The following MDH1 variants were observed in gnomAD, a reference collection of about 807,000 sequenced individuals.
The protein encoded by MDH1 is malate dehydrogenase, cytoplasmic.
In MDH1, 15 loss-of-function variants were observed where a neutral mutation model predicts 38.7. The ratio of observed to expected loss-of-function variants is 0.39; its 90% CI spans 0.26 to 0.60. MDH1 has a LOEUF of 0.60. Among genes scored for constraint, MDH1 ranks in the 20% least tolerant of loss-of-function variants. The pLI, the probability that MDH1 is intolerant of heterozygous loss-of-function variation, is 0.56. For missense variants in MDH1, 368 were observed against 405.2 expected, an observed-to-expected ratio of 0.91 and a Z score of 0.79; for synonymous variants, 144 against 143.6, an observed-to-expected ratio of 1.00 and a Z score of -0.02.
intron 2 of MDH1, 93 bp from the exon 3 acceptor site, chr2:63,595,330 A>G (rs1709286562): frequency 2.5e-6 from 2 of 790,186 alleles, no homozygotes; most frequent in Non-Finnish European, 2.3e-6. Flanking sequence ...AATTACATGC[A>G]TGTACATACC....
rs201106688 is a variant in MDH1 at position 63,605,996 on chromosome 2, G to C, written c.847G>C (p.Asp283His). Residue 283 changes from aspartate (D) to histidine (H), a missense_variant, in exon 8 of 9, where the codon GAT becomes CAT. By Grantham distance (81) the Asp-to-His change is moderately conservative. Transcript: ENST00000233114. ...TGGCAACTCCTATGGTGTTCCTGAT[G>C]ATCTGCTCTACTCATTCCCTGTTGT... ...SDGNSYGVPD[D>H]LLYSFPVVIK... is the part of the protein sequence containing the mutation. 2.5e-5 allele frequency: 40 copies of C among 1,614,144 alleles called. No homozygotes were observed. Among genetic ancestry groups the C allele is most frequent in the Admixed American group, 1.7e-4 (10 of 60,036 alleles).
chr2:63,594,172 T>C, intron 1 of MDH1: 1 of 495,272 alleles, frequency 2.0e-6, no homozygotes, highest in Non-Finnish European at 4.0e-6. Flanking sequence ...CTCTAGTGGC[T>C]GCCAGGGTTT....
intron 5 of MDH1, among the ~76,000 whole-genome samples, chr2:63,604,349 C>T (rs1385111755): frequency 6.6e-6 from 1 of 152,176 alleles, no homozygotes; most frequent in African/African-American, 2.4e-5. Flanking sequence ...CAAAAGATCA[C>T]ATTTACATAT....
In MDH1 at chr2:63,606,867, G is replaced by T. The variant is rs765098463; in HGVS notation, c.885G>T (p.Lys295Asn). The change falls in exon 9 of 9, where the codon AAG becomes AAT. Residue 295 changes from lysine (K) to asparagine (N), a missense_variant. Transcript: ENST00000233114. Reference sequence around the variant, plus strand: ...TTTGCATTATTTTCAAACAGAATAAGACCTGGAAGTTTGTTGAAGGTCTCC... The same window carrying T: ...TTTGCATTATTTTCAAACAGAATAATACCTGGAAGTTTGTTGAAGGTCTCC... Reference protein sequence around the residue: ...LYSFPVVIKNKTWKFVEGLPI... With the variant: ...LYSFPVVIKNNTWKFVEGLPI... 1 of 1,609,906 alleles carries T rather than the reference G, an allele frequency of 6.2e-7. No individual in the cohort carries two copies. The highest frequency in any genetic ancestry group is 1.1e-5 in the South Asian group (1 of 90,180).
chr2:63,594,767 G>A (rs1709273285), intron 2 of MDH1, 181 bp downstream of exon 2: 1 of 524,758 alleles, frequency 1.9e-6, no homozygotes, highest in East Asian at 3.3e-5. Flanking sequence ...TCCAGGCACT[G>A]AAAACACTTT....
intron 1 of MDH1, chr2:63,589,310 G>C: frequency 6.4e-7 from 1 of 1,550,728 alleles, no homozygotes; most frequent in South Asian, 1.2e-5. Context: ...TAATCCTGCT[G>C]CATGACGGGA....
rs755709132 is a variant in MDH1, at chr2:63,597,410, A to G, written c.211A>G (p.Thr71Ala). The change falls in exon 4 of 9, where the codon ACA becomes GCA. Residue 71 changes from threonine (T) to alanine (A), a missense_variant. By Grantham distance (58) the Thr-to-Ala change is moderately conservative. Coordinates refer to ENST00000233114, the MANE Select transcript of MDH1 (RefSeq NM_005917.4). The stretch of plus-strand genomic sequence containing the variant: ...TGCCATGTCCACAGATGTCATCGCA[A>G]CAGATAAAGAAGACGTTGCCTTCAA... ...ALPLLKDVIA[T>A]DKEDVAFKDL... 2.1e-6 allele frequency: 3 copies of G among 1,435,042 alleles called. No individual in the cohort carries two copies. Among genetic ancestry groups the G allele is most frequent in the South Asian group, 1.6e-5 (1 of 62,884 alleles). The allele number at this position is 1,435,042 out of a possible 1,614,324, so 88.9% of individuals were successfully genotyped here.
chr2:63,602,279 A>G (rs1488635924), intron 5 of MDH1, among the ~76,000 whole-genome samples: 1 of 150,748 alleles, frequency 6.6e-6, no homozygotes, highest in African/African-American at 2.4e-5. Flanking sequence ...AGACCAGTCG[A>G]GTCATTGCAG....
Position 63,597,500 on chromosome 2 carries a change from T to C in MDH1, c.301T>C (p.Leu101=), listed in dbSNP as rs1575722500. The stretch of plus-strand genomic sequence containing the variant: ...AAGGGAAGGCATGGAGAGAAAAGAT[T>C]TACTGAAAGCAAATGTGAAAATCTT... The part of the protein sequence containing the change: ...PRREGMERKD[L]LKANVKIFKS... Residue 101 remains leucine (L), a synonymous_variant, in exon 4 of 9, where the codon TTA becomes CTA. Coordinates refer to ENST00000233114, the MANE Select transcript of MDH1 (RefSeq NM_005917.4). The C allele has an allele frequency of 6.6e-7, 1 of 1,524,120 alleles. No homozygotes were observed. The highest frequency in any genetic ancestry group is 1.3e-5 in the South Asian group (1 of 77,962). The allele number at this position is 1,524,120 out of a possible 1,614,324, so 94.4% of individuals were successfully genotyped here.
intron 1 of MDH1, 127 bp downstream of exon 1, chr2:63,589,173 C>T (rs1437620783): frequency 6.2e-7 from 1 of 1,609,614 alleles, no homozygotes; most frequent in African/African-American, 1.3e-5. Flanking sequence ...TTGGCAAGCT[C>T]GGACTCATCT....
At chr2:63,590,636 T>C (rs1012707330) in intron 1 of MDH1, 6 of 152,236 alleles carry the variant, frequency 3.9e-5, no homozygotes, top group Non-Finnish European at 7.3e-5. Flanking sequence ...TCTTATAATG[T>C]AGTCTGGTGA....
chr2:63,596,559 G>C (rs570314053), intron 3 of MDH1, among the ~76,000 whole-genome samples: 287 of 152,270 alleles, frequency 1.9e-3, no homozygotes, highest in Non-Finnish European at 1.7e-3. Flanking sequence ...GACAGGGAAG[G>C]GAAAGTTCAG....
chr2:63,603,455 A>C (rs1384616433), intron 5 of MDH1, among the ~76,000 whole-genome samples: 1 of 152,164 alleles, frequency 6.6e-6, no homozygotes, highest in Non-Finnish European at 1.5e-5. Flanking sequence ...ACACAGAGGA[A>C]GGAAGAATTG....
At chr2:63,591,893 TG>T (rs1000241824) in intron 1 of MDH1, among the ~76,000 whole-genome samples, 7 of 152,244 alleles carry the variant, frequency 4.6e-5, no homozygotes, top group Non-Finnish European at 8.8e-5. Context: ...CTACTCTGTT[TG>T]TTAGGTAATT....
intron 3 of MDH1, among the ~76,000 whole-genome samples, chr2:63,595,898 T>C (rs889688400): frequency 6.6e-6 from 1 of 152,206 alleles, no homozygotes; most frequent in African/African-American, 2.4e-5. Flanking sequence ...AGTAGCATCC[T>C]GTAATGGAAA....
chr2:63,605,418 G>A (rs1709509796), intron 7 of MDH1, 25 bp downstream of exon 7: 2 of 1,474,144 alleles, frequency 1.4e-6, no homozygotes, highest in South Asian at 1.1e-5. Context: ...ATTTGCACAG[G>A]TCACTCTATT....
intron 4 of MDH1, 82 bp downstream of exon 4, chr2:63,597,656 T>C (rs1709343146): frequency 8.0e-7 from 1 of 1,244,548 alleles, no homozygotes; most frequent in Non-Finnish European, 1.0e-6. Flanking sequence ...AAACCAAAAT[T>C]ATTTGCCCTT....
rs1249029639 is a variant in MDH1, at chr2:63,599,152, GC to G, written c.376-16del. 4.3e-6 allele frequency: 7 copies of G among 1,611,884 alleles called. No individual in the cohort carries two copies. The Middle Eastern group carries it at 4.9e-4, about 114-fold the overall frequency. On this transcript the variant is annotated splice_polypyrimidine_tract_variant and intron_variant, in intron 4 of 8. Transcript: ENST00000233114. ...ACTATATAGTCTGTAACTCTTCAGT[GC>G]CTTCCATTCCTCCTAGGTTATTGTT...
chr2:63,597,699 G>A (rs1432355292), intron 4 of MDH1, 125 bp downstream of exon 4: 17 of 835,324 alleles, frequency 2.0e-5, no homozygotes, highest in Admixed American at 4.3e-5. Context: ...CAGTAAATAC[G>A]GCTCTAGAGT....
Sources: allele counts gnomAD v4.1 joint callset (sites outside exome capture counted in the v4.1 genomes callset), GRCh38; gene constraint gnomAD v4.1.1; transcripts MANE v1.5; gene names NCBI Gene and HGNC (gene_info 2026-07-23, HGNC 2026-07-21).